UGT1A9: variants seen among roughly 807,000 people sequenced by gnomAD.
UGT1A9 encodes the protein UDP-glucuronosyltransferase 1A9.
UGT1A9 carries 35 observed loss-of-function variants against 45.0 expected under a neutral mutation model. The observed-to-expected ratio is 0.78, with a 90% CI of 0.59 to 1.03. UGT1A9 has a LOEUF of 1.03. Ranked by LOEUF, UGT1A9 falls within the 50% of genes least tolerant of loss-of-function variation. The pLI, the probability that UGT1A9 is intolerant of heterozygous loss-of-function variation, is 0.00. For missense variants in UGT1A9, 687 were observed against 666.6 expected (o/e 1.03, Z -0.34); for synonymous variants, 278 against 250.6 (o/e 1.11, Z -1.03).
At chr2:233,756,125 T>G (rs922243394) in intron 1 of UGT1A9, 6 of 152,194 alleles carry the variant, frequency 3.9e-5, no homozygotes, top group Non-Finnish European at 7.3e-5. Flanking sequence ...TTTGTAAAAT[T>G]CTCCTGAAAA....
At chr2:233,724,172 A>G (rs2077183283) in intron 1 of UGT1A9, among the ~76,000 whole-genome samples, 1 of 105,510 alleles carries the variant, frequency 9.5e-6, no homozygotes. Flanking sequence ...TGACCCCCCC[A>G]TCTCCCTCCC....
chr2:233,687,184 A>G (rs2074826727), intron 1 of UGT1A9, among the ~76,000 whole-genome samples: 1 of 152,216 alleles, frequency 6.6e-6, no homozygotes, highest in Non-Finnish European at 1.5e-5. Context: ...TGAATCAGCA[A>G]TACCCGTAAT....
intron 4 of UGT1A9, chr2:233,770,249 C>T (rs1368624656): frequency 1.3e-5 from 2 of 152,160 alleles, no homozygotes; most frequent in Non-Finnish European, 2.9e-5. Flanking sequence ...TTCCAACACT[C>T]TGAGCTGGGG....
At chr2:233,713,517 A>G (rs191789950) in intron 1 of UGT1A9, 2 of 1,613,958 alleles carry the variant, frequency 1.2e-6, no homozygotes, top group Non-Finnish European at 1.7e-6. Context: ...CTTGAGGAAC[A>G]TTCCATGTGA....
At chr2:233,765,991 C>G (rs939830697) in intron 1 of UGT1A9, among the ~76,000 whole-genome samples, 2 of 152,166 alleles carry the variant, frequency 1.3e-5, no homozygotes, top group Middle Eastern at 3.4e-3. Flanking sequence ...TCCTGAAGCT[C>G]CAGTGGGCGT....
intron 1 of UGT1A9, among the ~76,000 whole-genome samples, chr2:233,684,398 C>T (rs536984968): frequency 6.6e-6 from 1 of 152,230 alleles, no homozygotes; most frequent in Non-Finnish European, 1.5e-5. Context: ...CCAGCCATCA[C>T]TCAGGTATTG....
chr2:233,691,636 G>A, intron 1 of UGT1A9: 2 of 985,552 alleles, frequency 2.0e-6, no homozygotes, highest in Non-Finnish European at 2.4e-6. Flanking sequence ...TGGTTAGCAG[G>A]CAGGGCCAGT....
chr2:233,768,502 A>G (rs1225934667), intron 4 of UGT1A9, 63 bp downstream of exon 4: 30 of 1,567,296 alleles, frequency 1.9e-5, no homozygotes, highest in Non-Finnish European at 2.6e-5. Flanking sequence ...TGTTTCAAAT[A>G]TGAAAACATT....
rs375082638 is a variant in UGT1A9 at position 233,764,736 on chromosome 2, G to A, written c.856-2298G>A. Among the ~76,000 whole-genome samples the A allele has an allele frequency of 2.0e-5, 3 of 152,156 alleles. 1 individual carries two copies. The East Asian group carries it at 5.8e-4, about 29-fold the overall frequency. On this transcript the variant is annotated intron_variant, in intron 1 of 4. Coordinates refer to ENST00000354728, the MANE Select transcript of UGT1A9 (RefSeq NM_021027.3). ...CCCAAGAAAGAGGGAGAGAAAGAGGGGAGAGATGTGGTGCAGACCCTAGGG... is the reference window on the plus strand; with the variant it reads ...CCCAAGAAAGAGGGAGAGAAAGAGGAGAGAGATGTGGTGCAGACCCTAGGG...
At chr2:233,770,709 G>A (rs1700141819) in intron 4 of UGT1A9, 2 of 151,546 alleles carry the variant, frequency 1.3e-5, no homozygotes, top group East Asian at 3.9e-4. Context: ...TAAGGTTTAT[G>A]TAAAAGGAAG....
At chr2:233,703,893 C>A (rs7567229) in intron 1 of UGT1A9, among the ~76,000 whole-genome samples, 56,931 of 151,252 alleles carry the variant, frequency 0.38, 11,775 homozygotes, top group African/African-American at 0.55. Flanking sequence ...TCATTTTTTT[C>A]TTTTCTTTTT....
In UGT1A9 at chr2:233,747,787, C is replaced by T. The variant is rs1693777925; in HGVS notation, c.856-19247C>T. On this transcript the variant is annotated intron_variant, in intron 1 of 4. Coordinates refer to ENST00000354728, the MANE Select transcript of UGT1A9 (RefSeq NM_021027.3). ...GGCACACAGTGTCCAAATCCTTCCTCCTATATTCCTAAGTTACTAACGACC... is the reference window on the plus strand; with the variant it reads ...GGCACACAGTGTCCAAATCCTTCCTTCTATATTCCTAAGTTACTAACGACC... The T allele has an allele frequency of 6.8e-6, 11 of 1,613,400 alleles. No homozygotes were observed. The South Asian group carries it at 1.2e-4, about 18-fold the overall frequency.
intron 1 of UGT1A9, among the ~76,000 whole-genome samples, chr2:233,761,833 G>A (rs549701832): frequency 6.6e-6 from 1 of 152,304 alleles, no homozygotes; most frequent in Admixed American, 6.5e-5. Flanking sequence ...CAGATGGAGC[G>A]TTAGGGAATT....
At chr2:233,737,391 C>A (rs1208787903) in intron 1 of UGT1A9, among the ~76,000 whole-genome samples, 1 of 152,188 alleles carries the variant, frequency 6.6e-6, no homozygotes, top group Non-Finnish European at 1.5e-5. Context: ...TCCTTGTCTG[C>A]CAGTTTATAA....
intron 1 of UGT1A9, among the ~76,000 whole-genome samples, chr2:233,697,691 T>A (rs568547082): frequency 1.3e-5 from 2 of 152,252 alleles, no homozygotes; most frequent in African/African-American, 4.8e-5. Flanking sequence ...TTTCTGCTTT[T>A]TGGATGTAGG....
chr2:233,713,528 T>C (rs1471082533), intron 1 of UGT1A9: 7 of 1,613,924 alleles, frequency 4.3e-6, no homozygotes, highest in Admixed American at 3.3e-5. Flanking sequence ...TTCCATGTGA[T>C]TTAGACTTTA....
At chr2:233,699,721 T>C (rs1221537846) in intron 1 of UGT1A9, among the ~76,000 whole-genome samples, 1 of 152,232 alleles carries the variant, frequency 6.6e-6, no homozygotes, top group East Asian at 1.9e-4. Flanking sequence ...CAGCATTTTT[T>C]ACGGAGCGTT....
chr2:233,693,725 G>A (rs1435366760), intron 1 of UGT1A9: 1 of 1,614,208 alleles, frequency 6.2e-7, no homozygotes, highest in African/African-American at 1.3e-5. Context: ...CAAGAGAGAT[G>A]TGGATATAAT....
chr2:233,726,835 ATT>A (rs1243429736), intron 1 of UGT1A9, among the ~76,000 whole-genome samples: 1 of 152,090 alleles, frequency 6.6e-6, no homozygotes, highest in African/African-American at 2.4e-5. Flanking sequence ...TTTAAATTTA[ATT>A]TTTGTTCCTT....
Sources: allele counts gnomAD v4.1 joint callset (sites outside exome capture counted in the v4.1 genomes callset), GRCh38; gene constraint gnomAD v4.1.1; transcripts MANE v1.5; gene names NCBI Gene and HGNC (gene_info 2026-07-23, HGNC 2026-07-21).